Variants in TBC1D4 observed in about 807,000 individuals in gnomAD.
TBC1D4 encodes the protein TBC1 domain family member 4.
In TBC1D4, 121 loss-of-function variants were observed where a neutral mutation model predicts 142.5. That is an observed-to-expected ratio of 0.85 (90% CI 0.73 to 0.99). The LOEUF (loss-of-function observed/expected upper bound fraction) is 0.99. Ranked by LOEUF, TBC1D4 falls within the 50% of genes least tolerant of loss-of-function variation. The pLI is 0.00. For synonymous variants in TBC1D4, 630 were observed against 628.2 expected (o/e 1.00, Z -0.04); for missense variants, 1,475 against 1,606.6 (o/e 0.92, Z 1.40).
At chr13:75,448,056 A>G (rs534096183) in intron 1 of TBC1D4, among the ~76,000 whole-genome samples, 1 of 152,290 alleles carries the variant, frequency 6.6e-6, no homozygotes, top group East Asian at 1.9e-4. Context: ...CCCCGCCACC[A>G]GTCCACAGAA....
chr13:75,335,469 A>T (rs556249149), intron 8 of TBC1D4, among the ~76,000 whole-genome samples: 5 of 152,314 alleles, frequency 3.3e-5, no homozygotes, highest in African/African-American at 1.2e-4. Context: ...CCATTAATTT[A>T]TACTTTTTTC....
In TBC1D4 at chr13:75,336,002, C is replaced by T. The variant is rs190874362; in HGVS notation, c.1731+919G>A. On this transcript the variant is annotated intron_variant, in intron 8 of 20. Transcript: ENST00000377636. ...AGTATTGAGCATCAGTATTCTATTT[C>T]CCCTTTTCTATACATATATATTTCT... Among the ~76,000 whole-genome samples the T allele has an allele frequency of 5.1e-3, 775 of 152,226 alleles. 3 individuals are homozygous for T. The highest frequency in any genetic ancestry group is 8.2e-3 in the Non-Finnish European group (556 of 68,008).
At position 75,341,504 on chromosome 13, in the gene TBC1D4, T is replaced by C. The variant is rs761263459; in HGVS notation, c.1492A>G (p.Arg498Gly). ...CCTACAAATAATGTTACCTGAACTC[T>C]TTCAAAGATGTCAGCTTGCTCATTA... ...TDNEQADIFE[R>G]VQKMKPVSDQ... The change falls in exon 6 of 21, where the codon AGA (arginine) becomes GGA (glycine). Residue 498 changes from arginine to glycine, a missense_variant. By Grantham distance (125) the Arg-to-Gly change is moderately radical (BLOSUM62 -2). Around this residue, in one of 2 missense-constraint regions of TBC1D4, gnomAD observed 1,227 missense variants for 1,267.7 expected, o/e 0.97. Transcript: ENST00000377636. 16 of 1,613,910 alleles carry C rather than the reference T, an allele frequency of 9.9e-6. No homozygotes were observed. The highest frequency in any genetic ancestry group is 1.4e-5 in the Non-Finnish European group (16 of 1,179,952).
At chr13:75,303,198 T>G (rs1876765095) in intron 15 of TBC1D4, among the ~76,000 whole-genome samples, 1 of 151,974 alleles carries the variant, frequency 6.6e-6, no homozygotes, top group South Asian at 2.1e-4. Context: ...GCACCTGTAA[T>G]CTCAGCTACT....
At chr13:75,429,027 T>A (rs1198246667) in intron 1 of TBC1D4, among the ~76,000 whole-genome samples, 1 of 152,152 alleles carries the variant, frequency 6.6e-6, no homozygotes, top group Non-Finnish European at 1.5e-5. Context: ...CACCACAAAT[T>A]TCTCAAACCA....
rs1019721947 is a variant in TBC1D4 at position 75,362,690 on chromosome 13, G to C, written c.499-83C>G. 9.8e-6 allele frequency: 14 copies of C among 1,428,858 alleles called. No homozygotes were observed. Among genetic ancestry groups the C allele is most frequent in the Admixed American group, 5.2e-5 (3 of 57,988 alleles). The allele number at this position is 1,428,858 out of a possible 1,614,324, so 88.5% of individuals were successfully genotyped here. On this transcript the variant is annotated intron_variant, in intron 1 of 20. Coordinates refer to ENST00000377636, the MANE Select transcript of TBC1D4 (RefSeq NM_014832.5). This position sits in a 1 kb window ranked among gnomAD's most constrained non-coding sequence, Gnocchi z 4.2. ...TACCTAGCCCAATTATTACCACATGGAATGTATTTTCATCCTAAATAATAT... is the reference window on the plus strand; with the variant it reads ...TACCTAGCCCAATTATTACCACATGCAATGTATTTTCATCCTAAATAATAT...
chr13:75,458,998 C>A (rs1421005400), intron 1 of TBC1D4, among the ~76,000 whole-genome samples: 1 of 152,084 alleles, frequency 6.6e-6, no homozygotes, highest in Non-Finnish European at 1.5e-5. Context: ...CCCTCCTTAC[C>A]TCCTCCACTA....
chr13:75,355,394 C>A (rs906093931), intron 4 of TBC1D4, among the ~76,000 whole-genome samples: 2 of 152,170 alleles, frequency 1.3e-5, no homozygotes, highest in African/African-American at 4.8e-5. Context: ...GGAAAAAAAT[C>A]AACTTATTTC....
At chr13:75,342,342 TA>T (rs1260883598) in intron 5 of TBC1D4, among the ~76,000 whole-genome samples, 1 of 152,184 alleles carries the variant, frequency 6.6e-6, no homozygotes. Flanking sequence ...AAATAAAAGC[TA>T]AAGACTAGCC....
intron 1 of TBC1D4, among the ~76,000 whole-genome samples, chr13:75,394,097 T>A (rs1028121728): frequency 5.3e-5 from 8 of 152,214 alleles, no homozygotes; most frequent in Non-Finnish European, 1.2e-4. Flanking sequence ...GTAATTATAA[T>A]CTCATATATA....
chr13:75,306,575 C>T, intron 14 of TBC1D4, 104 bp from the exon 15 acceptor site: 1 of 1,370,616 alleles, frequency 7.3e-7, no homozygotes, highest in Non-Finnish European at 1.0e-6. Context: ...TTTCAGGAAT[C>T]AACTGGTAGT....
chr13:75,341,493 T>C lies in TBC1D4; in HGVS notation c.1500+3A>G. The C allele has an allele frequency of 6.2e-7, 1 of 1,613,212 alleles. No individual in the cohort carries two copies. Among genetic ancestry groups the C allele is most frequent in the Non-Finnish European group, 8.5e-7 (1 of 1,179,210 alleles). ...TATTTATGAGACCTACAAATAATGT[T>C]ACCTGAACTCTTTCAAAGATGTCAG... On this transcript the variant is annotated splice_donor_region_variant and intron_variant, in intron 6 of 20. Coordinates refer to ENST00000377636, the MANE Select transcript of TBC1D4 (RefSeq NM_014832.5).
intron 1 of TBC1D4, among the ~76,000 whole-genome samples, chr13:75,447,899 T>G (rs1887360110): frequency 6.6e-6 from 1 of 152,088 alleles, no homozygotes; most frequent in East Asian, 1.9e-4. Context: ...TAGGGCTGTC[T>G]AGTTGCAAAA....
At chr13:75,410,922 C>G (rs368079619) in intron 1 of TBC1D4, among the ~76,000 whole-genome samples, 1 of 99,020 alleles carries the variant, frequency 1.0e-5, no homozygotes, top group Non-Finnish European at 1.8e-5. Context: ...GGCGACAGAG[C>G]GAGACTCCGT....
chr13:75,343,913 T>G (rs1240185528), intron 5 of TBC1D4, among the ~76,000 whole-genome samples: 1 of 152,200 alleles, frequency 6.6e-6, no homozygotes, highest in Non-Finnish European at 1.5e-5. Context: ...TGATCTCAGC[T>G]CACTGCAACC....
chr13:75,421,651 G>A lies in TBC1D4; in HGVS notation c.499-59044C>T, dbSNP rs9543925. The stretch of plus-strand genomic sequence containing the variant: ...TTGGGAGAAAAACCTGAAATGAAGC[G>A]GCATATCATAGACTGGGCAAAGAGA... On this transcript the variant is annotated intron_variant, in intron 1 of 20. Transcript: ENST00000377636. Among the ~76,000 whole-genome samples, 391 of 151,912 alleles carry A rather than the reference G, an allele frequency of 2.6e-3. 4 individuals are homozygous for A. Among genetic ancestry groups the A allele is most frequent in the Non-Finnish European group, 4.2e-3 (284 of 67,932 alleles).
chr13:75,429,382 C>T (rs1886505585), intron 1 of TBC1D4, among the ~76,000 whole-genome samples: 1 of 152,180 alleles, frequency 6.6e-6, no homozygotes, highest in South Asian at 2.1e-4. Flanking sequence ...TGAATAAGCC[C>T]GAAGTCTTAA....
intron 1 of TBC1D4, among the ~76,000 whole-genome samples, chr13:75,421,859 G>A (rs1886184168): frequency 1.2e-5 from 1 of 80,198 alleles, no homozygotes; most frequent in Admixed American, 1.6e-4. Flanking sequence ...CACTGATACT[G>A]AGATGAAGCA....
intron 1 of TBC1D4, among the ~76,000 whole-genome samples, chr13:75,463,931 T>C (rs538349823): frequency 6.6e-6 from 1 of 152,272 alleles, no homozygotes; most frequent in African/African-American, 2.4e-5. Context: ...CTGTGACCCA[T>C]CTCTTTCTTT....
Sources: allele counts gnomAD v4.1 joint callset (sites outside exome capture counted in the v4.1 genomes callset), GRCh38; gene constraint gnomAD v4.1.1; regional missense constraint gnomAD v4.1.1; non-coding constraint Gnocchi (gnomAD v3.1); transcripts MANE v1.5; gene names NCBI Gene and HGNC (gene_info 2026-07-23, HGNC 2026-07-21).